The following SLC15A1 variants were observed in gnomAD, a reference collection of about 807,000 sequenced individuals.
SLC15A1 encodes the protein Caco-2 oligopeptide transporter.
In SLC15A1, 83 loss-of-function variants were observed where a neutral mutation model predicts 92.9. The observed-to-expected ratio is 0.89, with a 90% CI of 0.75 to 1.07. The LOEUF (loss-of-function observed/expected upper bound fraction) is 1.07. Among genes scored for constraint, SLC15A1 ranks in the 50% least tolerant of loss-of-function variants. SLC15A1 has a pLI of 0.00. For missense variants in SLC15A1, 857 were observed against 880.1 expected (o/e 0.97, Z 0.33); for synonymous variants, 322 against 318.2 (o/e 1.01, Z -0.13).
chr13:98,711,820 C>G, intron 11 of SLC15A1, 34 bp downstream of exon 11: 1 of 1,517,466 alleles, frequency 6.6e-7, no homozygotes, highest in Non-Finnish European at 9.2e-7. Flanking sequence ...ACGCTTGCTC[C>G]GTGAAGAAGA....
At chr13:98,721,752 T>G in intron 6 of SLC15A1, 52 bp downstream of exon 6, 1 of 1,547,396 alleles carries the variant, frequency 6.5e-7, no homozygotes, top group South Asian at 1.1e-5. Context: ...GGCCTCTGAC[T>G]CCTGGATGTG....
At chr13:98,701,315 T>C (rs1269731194) in intron 18 of SLC15A1, among the ~76,000 whole-genome samples, 1 of 152,194 alleles carries the variant, frequency 6.6e-6, no homozygotes, top group Non-Finnish European at 1.5e-5. Flanking sequence ...GAAATAGTTG[T>C]AAAATTTCAG....
intron 18 of SLC15A1, among the ~76,000 whole-genome samples, chr13:98,689,607 G>A (rs78645260): frequency 6.6e-6 from 1 of 151,790 alleles, no homozygotes; most frequent in East Asian, 1.9e-4. Flanking sequence ...CACAATGCCT[G>A]GCTAATTTTT....
chr13:98,717,091 C>T (rs2088216766), intron 8 of SLC15A1, among the ~76,000 whole-genome samples: 1 of 152,152 alleles, frequency 6.6e-6, no homozygotes, highest in African/African-American at 2.4e-5. Context: ...AGTCCATATA[C>T]TAGGATTTCT....
Position 98,697,747 on chromosome 13 carries a change from C to T in SLC15A1, c.1466+4733G>A, listed in dbSNP as rs572230962. On this transcript the variant is annotated intron_variant, in intron 18 of 22. Transcript: ENST00000376503. ...CAGGCAAGCAACAACTTGGAATTGA[C>T]CTCGTTTTCTCTTGACAAGATATTT... 4.0e-5 allele frequency among the ~76,000 whole-genome samples: 6 copies of T among 151,736 alleles called. No homozygotes were observed. The South Asian group carries it at 1.2e-3, about 32-fold the overall frequency.
chr13:98,731,947 A>C (rs2088353814), intron 1 of SLC15A1, among the ~76,000 whole-genome samples: 1 of 152,220 alleles, frequency 6.6e-6, no homozygotes, highest in Non-Finnish European at 1.5e-5. Context: ...TGTGTATTCC[A>C]AGAACTGCTT....
chr13:98,713,308 C>T (rs569614200), intron 9 of SLC15A1, among the ~76,000 whole-genome samples: 2 of 152,126 alleles, frequency 1.3e-5, no homozygotes, highest in South Asian at 2.1e-4. Flanking sequence ...GCGATCCACT[C>T]GCCTCAGCCT....
intron 1 of SLC15A1, among the ~76,000 whole-genome samples, chr13:98,741,612 T>C (rs2088447412): frequency 6.6e-6 from 1 of 150,946 alleles, no homozygotes; most frequent in Non-Finnish European, 1.5e-5. Context: ...TAATCCCAGC[T>C]ACTCAAGAGG....
At chr13:98,723,725 A>G (rs2088277177) in intron 5 of SLC15A1, among the ~76,000 whole-genome samples, 187 bp downstream of exon 5, 1 of 152,178 alleles carries the variant, frequency 6.6e-6, no homozygotes, top group South Asian at 2.1e-4. Context: ...GCCTCTAGAC[A>G]ACTGTTAGGG....
At chr13:98,739,729 C>T (rs756371216) in intron 1 of SLC15A1, among the ~76,000 whole-genome samples, 16 of 152,198 alleles carry the variant, frequency 1.1e-4, no homozygotes, top group East Asian at 5.8e-4. Flanking sequence ...ATAAATTACC[C>T]GGTTTCATGT....
At chr13:98,689,326 C>T (rs2087957589) in intron 18 of SLC15A1, among the ~76,000 whole-genome samples, 1 of 152,202 alleles carries the variant, frequency 6.6e-6, no homozygotes, top group Admixed American at 6.5e-5. Context: ...AAACGACACC[C>T]CCTTCTTTAG....
rs199739135 is a variant in SLC15A1 at position 98,703,717 on chromosome 13, C to G, written c.1416+572G>C. ...GACGACAGGCATGCACCACCACACT[C>G]AGCTAATTTTTAAAATTTTTGTAGA... is the stretch of plus-strand genomic sequence containing the variant. On this transcript the variant is annotated intron_variant, in intron 17 of 22. Coordinates refer to ENST00000376503, the MANE Select transcript of SLC15A1 (RefSeq NM_005073.4). Among the ~76,000 whole-genome samples the G allele has an allele frequency of 3.2e-4, 48 of 152,024 alleles. No individual in the cohort carries two copies. In the East Asian group the frequency reaches 7.9e-3, roughly 25 times the overall value.
chr13:98,742,273 C>T (rs1390817356), intron 1 of SLC15A1, among the ~76,000 whole-genome samples: 1 of 152,244 alleles, frequency 6.6e-6, no homozygotes, highest in Non-Finnish European at 1.5e-5. Context: ...TGGCAATGAG[C>T]CACCTCCTAC....
chr13:98,705,113 C>T (rs2088101605), intron 16 of SLC15A1, among the ~76,000 whole-genome samples: 4 of 149,856 alleles, frequency 2.7e-5, no homozygotes, highest in Admixed American at 6.7e-5. Context: ...GCATGAGAAT[C>T]GCTTAAACCC....
intron 1 of SLC15A1, among the ~76,000 whole-genome samples, chr13:98,745,681 G>A (rs529150861): frequency 6.6e-6 from 1 of 152,238 alleles, no homozygotes; most frequent in East Asian, 1.9e-4. Context: ...CAGAGCCTTC[G>A]GAGGGAGTGT....
At chr13:98,723,195 TCC>T in intron 5 of SLC15A1, among the ~76,000 whole-genome samples, 1 of 152,152 alleles carries the variant, frequency 6.6e-6, no homozygotes, top group South Asian at 2.1e-4. Context: ...CCGACACAGT[TCC>T]CTCTGGGCAC....
At chr13:98,738,479 A>G (rs376544688) in intron 1 of SLC15A1, among the ~76,000 whole-genome samples, 2 of 152,278 alleles carry the variant, frequency 1.3e-5, no homozygotes, top group Non-Finnish European at 2.9e-5. Flanking sequence ...CCACAGCCCT[A>G]TGCAGCCTCA....
In SLC15A1 at chr13:98,745,670, C is replaced by A. The variant is rs187740428; in HGVS notation, c.4+6925G>T. On this transcript the variant is annotated intron_variant, in intron 1 of 22. Transcript: ENST00000376503. ...AGAAAGGCCTGGATCGGCTTCACCC[C>A]CAGAGCCTTCGGAGGGAGTGTGGCC... Among the ~76,000 whole-genome samples, 48 of 152,234 alleles carry A rather than the reference C, an allele frequency of 3.2e-4. No individual in the cohort carries two copies. The East Asian group carries it at 8.1e-3, about 26-fold the overall frequency.
intron 5 of SLC15A1, 75 bp from the exon 6 acceptor site, chr13:98,721,978 C>G: frequency 8.1e-7 from 1 of 1,228,096 alleles, no homozygotes; most frequent in Non-Finnish European, 1.2e-6. Context: ...CCCAGTTTCC[C>G]TCAGTGGGCC....
Sources: allele counts gnomAD v4.1 joint callset (sites outside exome capture counted in the v4.1 genomes callset), GRCh38; gene constraint gnomAD v4.1.1; transcripts MANE v1.5; gene names NCBI Gene and HGNC (gene_info 2026-07-23, HGNC 2026-07-21).